The following GRK5 variants were observed in gnomAD, a reference collection of about 807,000 sequenced individuals.
The protein encoded by GRK5 is G protein-coupled receptor kinase 5, also known as g protein-coupled receptor kinase GRK5.
GRK5 carries 40 observed loss-of-function variants against 78.4 expected under a neutral mutation model. The ratio of observed to expected loss-of-function variants is 0.51; its 90% confidence interval spans 0.40 to 0.66. GRK5 has a LOEUF of 0.66. Among genes scored for constraint, GRK5 ranks in the 30% least tolerant of loss-of-function variants. The pLI, the probability that GRK5 is intolerant of heterozygous loss-of-function variation, is 0.00. For missense variants in GRK5, 598 were observed against 759.9 expected, an observed-to-expected ratio of 0.79 and a Z score of 2.50; for synonymous variants, 289 against 296.8, an observed-to-expected ratio of 0.97 and a Z score of 0.27.
intron 11 of GRK5, among the ~76,000 whole-genome samples, chr10:119,442,997 C>T (rs1853068806): frequency 1.3e-5 from 2 of 152,152 alleles, no homozygotes; most frequent in African/African-American, 4.8e-5. Flanking sequence ...GCAGAGTGTT[C>T]CATGCATCTG....
In GRK5 at chr10:119,455,495, G is replaced by C; in HGVS notation, c.*428G>C. 3.0e-6 allele frequency: 1 copy of C among 335,654 alleles called. No individual in the cohort carries two copies. Among genetic ancestry groups the C allele is most frequent in the South Asian group, 2.4e-5 (1 of 41,272 alleles). 20.8% of individuals were successfully genotyped at this position (335,654 alleles called of 1,614,324 possible). A position where few individuals can be genotyped will look rare whatever the true frequency, so the allele number is the denominator to read the frequency against. ...GGTGTATATTTTCTGTGCAGCCACT[G>C]TTAAGCCATGTGTTCCAAGGCATTT... is the stretch of plus-strand genomic sequence containing the variant. On this transcript the variant is annotated 3_prime_UTR_variant, in exon 16 of 16. Transcript: ENST00000392870.
chr10:119,418,859 C>T (rs1589799533), intron 4 of GRK5, among the ~76,000 whole-genome samples: 1 of 152,304 alleles, frequency 6.6e-6, no homozygotes, highest in Non-Finnish European at 1.5e-5. Context: ...CCCCTTCCAA[C>T]CTGGCTGCCT....
rs1852794422 is a variant in GRK5 at position 119,430,532 on chromosome 10, TC to T, written c.597+99del. 3 of 1,128,768 alleles carry T rather than the reference TC, an allele frequency of 2.7e-6. No homozygotes were observed. Among genetic ancestry groups the T allele is most frequent in the South Asian group, 1.4e-5 (1 of 71,596 alleles). 69.9% of individuals were successfully genotyped at this position (1,128,768 alleles called of 1,614,324 possible). ...TCAACCTAAAGGGTTGGCCCACGGGTCCCCCGGGGGCACCAGTGGCTCAATG... is the reference window on the plus strand; with the variant it reads ...TCAACCTAAAGGGTTGGCCCACGGGTCCCCGGGGGCACCAGTGGCTCAATG... On this transcript the variant is annotated intron_variant, in intron 7 of 15. Transcript: ENST00000392870. The surrounding 1 kb of genome is among the most constrained non-coding windows in gnomAD (Gnocchi z 4.5).
At chr10:119,451,589 G>A (rs759840525) in intron 13 of GRK5, among the ~76,000 whole-genome samples, 5 of 152,192 alleles carry the variant, frequency 3.3e-5, no homozygotes, top group Non-Finnish European at 5.9e-5. Flanking sequence ...CCACGGTGGC[G>A]TGCACCCCGG....
chr10:119,244,077 T>G (rs1170433442), intron 1 of GRK5, among the ~76,000 whole-genome samples: 6 of 152,268 alleles, frequency 3.9e-5, no homozygotes, highest in Admixed American at 3.9e-4. Context: ...TTAAGGCTTA[T>G]GAGCCATATG....
chr10:119,289,239 C>T (rs544667774), intron 1 of GRK5, among the ~76,000 whole-genome samples: 174 of 152,198 alleles, frequency 1.1e-3, no homozygotes, highest in African/African-American at 4.1e-3. Flanking sequence ...CTCTGTGGCC[C>T]CTGCTCAAAC....
intron 1 of GRK5, among the ~76,000 whole-genome samples, chr10:119,256,570 T>G (rs1849289757): frequency 6.6e-6 from 1 of 152,100 alleles, no homozygotes; most frequent in Admixed American, 6.5e-5. Context: ...GGGGAGGCCC[T>G]GGGCCACAGC....
intron 1 of GRK5, among the ~76,000 whole-genome samples, chr10:119,309,395 T>C (rs2133735373): frequency 6.6e-6 from 1 of 152,126 alleles, no homozygotes; most frequent in East Asian, 1.9e-4. Context: ...AAGGCCTTGG[T>C]GGGAGGGAAG....
chr10:119,240,346 G>A (rs996275831), intron 1 of GRK5, among the ~76,000 whole-genome samples: 8 of 151,460 alleles, frequency 5.3e-5, no homozygotes, highest in South Asian at 4.2e-4. Flanking sequence ...GACTACAGGC[G>A]CCTGCTACCA....
intron 2 of GRK5, chr10:119,333,535 C>T (rs1013429820): frequency 5.5e-5 from 17 of 311,470 alleles, no homozygotes; most frequent in Admixed American, 2.6e-4. Flanking sequence ...GAGAGTGACC[C>T]GCCCAGGAGA....
At chr10:119,355,556 G>A (rs1006992491) in intron 2 of GRK5, among the ~76,000 whole-genome samples, 1 of 152,190 alleles carries the variant, frequency 6.6e-6, no homozygotes, top group African/African-American at 2.4e-5. Context: ...CAAGGTGGGT[G>A]GATCATGAGG....
At chr10:119,257,420 T>C (rs1386758825) in intron 1 of GRK5, among the ~76,000 whole-genome samples, 1 of 152,198 alleles carries the variant, frequency 6.6e-6, no homozygotes, top group African/African-American at 2.4e-5. Flanking sequence ...GGAGTATGTC[T>C]ATTTCAAAAG....
At chr10:119,208,382 A>T (rs958484422) in intron 1 of GRK5, 1 of 185,368 alleles carries the variant, frequency 5.4e-6, no homozygotes, top group African/African-American at 2.4e-5. Flanking sequence ...GGGTGGAATG[A>T]GCAGAAGCCA....
At chr10:119,354,194 C>T (rs1851228288) in intron 2 of GRK5, among the ~76,000 whole-genome samples, 1 of 151,754 alleles carries the variant, frequency 6.6e-6, no homozygotes, top group South Asian at 2.1e-4. Context: ...TACAGTCAAG[C>T]AAATTAATAC....
At chr10:119,293,192 G>A (rs1030145470) in intron 1 of GRK5, among the ~76,000 whole-genome samples, 1 of 152,212 alleles carries the variant, frequency 6.6e-6, no homozygotes, top group Non-Finnish European at 1.5e-5. Flanking sequence ...GAAACAGGTG[G>A]AGGACATATT....
chr10:119,291,215 A>G (rs548039434), intron 1 of GRK5, among the ~76,000 whole-genome samples: 20 of 152,122 alleles, frequency 1.3e-4, no homozygotes, highest in Admixed American at 1.1e-3. Context: ...GATCCCTTCT[A>G]CTTTCTGAAA....
At chr10:119,392,623 C>T (rs892030034) in intron 3 of GRK5, among the ~76,000 whole-genome samples, 1 of 152,128 alleles carries the variant, frequency 6.6e-6, no homozygotes, top group Non-Finnish European at 1.5e-5. Flanking sequence ...AGGCTGGTCT[C>T]GAACTCCTGA....
intron 1 of GRK5, among the ~76,000 whole-genome samples, chr10:119,293,792 C>T (rs1478414929): frequency 2.0e-5 from 3 of 152,092 alleles, no homozygotes; most frequent in Admixed American, 6.5e-5. Context: ...GCCATCGCCT[C>T]GGGGTGGTAC....
At position 119,229,413 on chromosome 10, in the gene GRK5, T is replaced by G. The variant is rs1284781186; in HGVS notation, c.52+21444T>G. Among the ~76,000 whole-genome samples the G allele has an allele frequency of 5.9e-5, 9 of 152,190 alleles. 1 individual carries two copies. On this transcript the variant is annotated intron_variant, in intron 1 of 15. Transcript: ENST00000392870. ...TGAAGAGATACTCTGTCTGTAATCC[T>G]TTAACCAGGGATGTGCCCAGTAGAG...
Sources: allele counts gnomAD v4.1 joint callset (sites outside exome capture counted in the v4.1 genomes callset), GRCh38; gene constraint gnomAD v4.1.1; non-coding constraint Gnocchi (gnomAD v3.1); transcripts MANE v1.5; gene names NCBI Gene and HGNC (gene_info 2026-07-23, HGNC 2026-07-21).